Variants in COLQ observed in about 807,000 individuals in gnomAD.
COLQ encodes acetylcholinesterase collagenic tail peptide.
In COLQ, 48 loss-of-function variants were observed where a neutral mutation model predicts 69.0. That is an observed-to-expected ratio of 0.70 (90% CI 0.55 to 0.88). The LOEUF is 0.88. Ranked by LOEUF, COLQ falls within the 40% of genes least tolerant of loss-of-function variation. The pLI, the probability that COLQ is intolerant of heterozygous loss-of-function variation, is 0.00. For missense variants in COLQ, 618 were observed against 594.6 expected (o/e 1.04, Z -0.41); for synonymous variants, 217 against 211.2 (o/e 1.03, Z -0.24).
chr3:15,470,700 AC>A, intron 10 of COLQ, 84 bp from the exon 11 acceptor site: 10 of 1,261,250 alleles, frequency 7.9e-6, no homozygotes, highest in Non-Finnish European at 1.0e-5. Context: ...GTCATTGGCT[AC>A]GAGGGCAGTC....
intron 8 of COLQ, among the ~76,000 whole-genome samples, chr3:15,474,718 T>A (rs2062348959): frequency 6.6e-6 from 1 of 152,226 alleles, no homozygotes; most frequent in Non-Finnish European, 1.5e-5. Context: ...TCTGCCTCTA[T>A]GGGGAGCCCT....
intron 12 of COLQ, among the ~76,000 whole-genome samples, chr3:15,462,396 G>T (rs1325551061): frequency 1.3e-5 from 2 of 152,120 alleles, no homozygotes; most frequent in African/African-American, 4.8e-5. Context: ...CAAAGAGCAG[G>T]ATTATTTATT....
chr3:15,475,106 C>T (rs768141075), intron 7 of COLQ, 155 bp from the exon 8 acceptor site: 171 of 835,846 alleles, frequency 2.0e-4, no homozygotes, highest in Non-Finnish European at 3.3e-4. Flanking sequence ...CAAAGATGTC[C>T]CAGAGGGTTG....
At chr3:15,519,405 C>T (rs2063105529) in intron 1 of COLQ, among the ~76,000 whole-genome samples, 1 of 152,342 alleles carries the variant, frequency 6.6e-6, no homozygotes, top group East Asian at 1.9e-4. Flanking sequence ...TGGTGTACTT[C>T]TCCTTCACTT....
chr3:15,465,465 A>G (rs913631838), intron 12 of COLQ, among the ~76,000 whole-genome samples: 5 of 150,358 alleles, frequency 3.3e-5, no homozygotes, highest in African/African-American at 1.2e-4. Flanking sequence ...ATGGGGTTTC[A>G]CCGTGTTAGC....
At chr3:15,509,969 G>A (rs1453615994) in intron 1 of COLQ, among the ~76,000 whole-genome samples, 3 of 151,802 alleles carry the variant, frequency 2.0e-5, no homozygotes, top group East Asian at 1.9e-4. Flanking sequence ...TCAGGAGATC[G>A]AGACCATCCT....
intron 1 of COLQ, among the ~76,000 whole-genome samples, chr3:15,521,003 C>T (rs1424276159): frequency 1.3e-5 from 2 of 152,192 alleles, no homozygotes; most frequent in Non-Finnish European, 2.9e-5. Flanking sequence ...ACTGCCCCGC[C>T]GCTGTTCACC....
chr3:15,481,826 T>G (rs1292927784), intron 3 of COLQ, among the ~76,000 whole-genome samples: 4 of 152,234 alleles, frequency 2.6e-5, no homozygotes, highest in Non-Finnish European at 5.9e-5. Context: ...TTTCACAATA[T>G]TGATTCTTCC....
chr3:15,509,572 C>T (rs74519258), intron 1 of COLQ, among the ~76,000 whole-genome samples: 6,239 of 152,302 alleles, frequency 0.041, 291 homozygotes, highest in Admixed American at 0.14. Flanking sequence ...GTGAGCATCC[C>T]ATGTCCTGAA....
intron 4 of COLQ, 129 bp from the exon 5 acceptor site, chr3:15,479,132 T>A (rs2290538): frequency 5.6e-6 from 7 of 1,238,940 alleles, no homozygotes; most frequent in African/African-American, 1.5e-5. Flanking sequence ...TCACGGCCCC[T>A]CTGCCATGTC....
chr3:15,460,502 G>T (rs2062096028), intron 12 of COLQ, among the ~76,000 whole-genome samples: 1 of 152,228 alleles, frequency 6.6e-6, no homozygotes, highest in African/African-American at 2.4e-5. Flanking sequence ...GGGGCAGCCA[G>T]GGGCTGGGAA....
At chr3:15,456,139 G>C (rs951648213) in intron 14 of COLQ, 120 bp from the exon 15 acceptor site, 10 of 1,235,360 alleles carry the variant, frequency 8.1e-6, no homozygotes, top group Admixed American at 2.0e-5. Context: ...CTTCCTCCCA[G>C]GGGTGGGAAA....
intron 3 of COLQ, among the ~76,000 whole-genome samples, chr3:15,487,596 C>T (rs1559524386): frequency 6.6e-6 from 1 of 152,228 alleles, no homozygotes; most frequent in Non-Finnish European, 1.5e-5. Context: ...AAGGCTCAGA[C>T]CCAGCTGTCC....
intron 1 of COLQ, chr3:15,506,557 G>T (rs1037870656): frequency 6.6e-6 from 1 of 152,112 alleles, no homozygotes; most frequent in African/African-American, 2.4e-5. Context: ...TACTCAAAGG[G>T]TTACTTGTAA....
intron 1 of COLQ, chr3:15,498,446 T>C: frequency 6.7e-6 from 10 of 1,503,578 alleles, no homozygotes; most frequent in Non-Finnish European, 9.0e-6. Flanking sequence ...AAGAGTCTTT[T>C]TTCCAAAACA....
At chr3:15,512,474 T>C (rs185650266) in intron 1 of COLQ, among the ~76,000 whole-genome samples, 52 of 152,324 alleles carry the variant, frequency 3.4e-4, no homozygotes, top group African/African-American at 1.2e-3. Flanking sequence ...GGGAAGCCGG[T>C]CACCACGAGA....
chr3:15,468,024 G>C (rs2062226228), intron 11 of COLQ: 2 of 452,540 alleles, frequency 4.4e-6, no homozygotes, highest in Non-Finnish European at 8.9e-6. Flanking sequence ...TGGGTCTCAG[G>C]ATGGCAAAGG....
intron 2 of COLQ, among the ~76,000 whole-genome samples, chr3:15,488,724 T>G (rs767285364): frequency 2.6e-5 from 4 of 152,220 alleles, no homozygotes; most frequent in Non-Finnish European, 5.9e-5. Context: ...ATAATATACT[T>G]TCTTTAACCC....
chr3:15,454,651 G>GTTTTT lies in COLQ; in HGVS notation c.1196-725_1196-721dup, dbSNP rs56053367. 3.5e-3 allele frequency among the ~76,000 whole-genome samples: 414 copies of GTTTTT among 118,094 alleles called. 23 individuals carry two copies. The highest frequency in any genetic ancestry group is 0.013 in the African/African-American group (375 of 28,384). 77.5% of individuals were successfully genotyped at this position (118,094 alleles called of 152,430 possible). On this transcript the variant is annotated intron_variant, in intron 15 of 16. Transcript: ENST00000383788. ...TGCCCTGTCATCCTTCCCCTGAACT[G>GTTTTT]TTTTTTTTTTTTTTTTTTTTTTGAG...
Sources: allele counts gnomAD v4.1 joint callset (sites outside exome capture counted in the v4.1 genomes callset), GRCh38; gene constraint gnomAD v4.1.1; transcripts MANE v1.5; gene names NCBI Gene and HGNC (gene_info 2026-07-23, HGNC 2026-07-21).